Variants in SEC14L1 observed in about 807,000 individuals in gnomAD.
SEC14L1 encodes the protein SEC14 like lipid binding 1.
A neutral mutation model predicts 85.3 loss-of-function variants in SEC14L1; 48 were observed. That is an observed-to-expected ratio of 0.56 (90% CI 0.45 to 0.72). The LOEUF (loss-of-function observed/expected upper bound fraction) is 0.72, where lower values mean the gene tolerates loss of function less well. SEC14L1 is among the 30% of genes least tolerant of loss of function. The probability of loss-of-function intolerance (pLI) is 0.00; values close to 1 mark genes in which losing one functional copy is unlikely to be tolerated. For missense variants in SEC14L1, 682 were observed against 921.4 expected (o/e 0.74, Z 3.36); for synonymous variants, 391 against 355.5 (o/e 1.10, Z -1.12).
chr17:77,186,265 T>G (rs1975261480), intron 3 of SEC14L1, among the ~76,000 whole-genome samples: 1 of 152,116 alleles, frequency 6.6e-6, no homozygotes, highest in Admixed American at 6.5e-5. Context: ...ACCACTTCCC[T>G]CCCCTGGGGG....
chr17:77,179,755 A>G (rs1435641951), intron 3 of SEC14L1, among the ~76,000 whole-genome samples: 1 of 151,726 alleles, frequency 6.6e-6, no homozygotes, highest in Non-Finnish European at 1.5e-5. Flanking sequence ...GCTCACTGCA[A>G]GCTCCACCTC....
At position 77,214,690 on chromosome 17, in the gene SEC14L1, T is replaced by C; in HGVS notation, c.*667T>C. ...TGGTGACTCCAGGAAAATGCTGCCATCGTTAAACATTACTTTCTCTTTCCT... is the reference window on the plus strand; with the variant it reads ...TGGTGACTCCAGGAAAATGCTGCCACCGTTAAACATTACTTTCTCTTTCCT... On this transcript the variant is annotated 3_prime_UTR_variant, in exon 17 of 17. Transcript: ENST00000436233. The C allele has an allele frequency of 1.0e-6, 1 of 985,576 alleles. No individual in the cohort carries two copies. Among genetic ancestry groups the C allele is most frequent in the South Asian group, 4.7e-5 (1 of 21,292 alleles). 61.1% of individuals were successfully genotyped at this position (985,576 alleles called of 1,614,324 possible). A position where few individuals can be genotyped will look rare whatever the true frequency, so the allele number is the denominator to read the frequency against.
At chr17:77,177,870 G>A in intron 3 of SEC14L1, among the ~76,000 whole-genome samples, 1 of 152,098 alleles carries the variant, frequency 6.6e-6, no homozygotes, top group Non-Finnish European at 1.5e-5. Context: ...TATGGACCAG[G>A]AACAATTTTG....
At chr17:77,182,965 G>A (rs1050292918) in intron 3 of SEC14L1, among the ~76,000 whole-genome samples, 1 of 152,242 alleles carries the variant, frequency 6.6e-6, no homozygotes, top group Non-Finnish European at 1.5e-5. Flanking sequence ...GGCCCCAGGA[G>A]AAGGCCCCGT....
At chr17:77,107,347 G>A (rs188725448) in intron 3 of SEC14L1, among the ~76,000 whole-genome samples, 1 of 152,130 alleles carries the variant, frequency 6.6e-6, no homozygotes, top group Admixed American at 6.6e-5. Flanking sequence ...GCTCAGGGAC[G>A]ATCACTTGCC....
Position 77,206,697 on chromosome 17 carries a change from A to C in SEC14L1, c.1342-31A>C. The stretch of plus-strand genomic sequence containing the variant: ...TCTTGGACACTCAGGCAGCAGAGAA[A>C]TATGACTGCATGGTCTTCTCCTCCT... On this transcript the variant is annotated intron_variant, in intron 12 of 16. Transcript: ENST00000436233. The surrounding 1 kb of genome is among the most constrained non-coding windows in gnomAD (Gnocchi z 4.3). The C allele has an allele frequency of 6.4e-7, 1 of 1,570,040 alleles. No individual in the cohort carries two copies. The highest frequency in any genetic ancestry group is 8.6e-7 in the Non-Finnish European group (1 of 1,160,970).
intron 3 of SEC14L1, among the ~76,000 whole-genome samples, chr17:77,118,521 A>G (rs1412426428): frequency 1.3e-5 from 2 of 152,210 alleles, no homozygotes; most frequent in Non-Finnish European, 2.9e-5. Flanking sequence ...CGAGCCTCAT[A>G]CGTTCCAAGG....
intron 3 of SEC14L1, among the ~76,000 whole-genome samples, chr17:77,189,952 A>G (rs1424014995): frequency 6.6e-6 from 1 of 152,124 alleles, no homozygotes; most frequent in African/African-American, 2.4e-5. Context: ...CGCTGAGCAA[A>G]TGTTTTTAAC....
intron 3 of SEC14L1, among the ~76,000 whole-genome samples, chr17:77,183,300 A>G (rs1429600786): frequency 6.6e-6 from 1 of 152,252 alleles, no homozygotes; most frequent in Non-Finnish European, 1.5e-5. Context: ...GAACACCTGT[A>G]TGCATGTCCG....
chr17:77,090,455 G>A (rs140312678), intron 2 of SEC14L1, among the ~76,000 whole-genome samples: 7 of 146,398 alleles, frequency 4.8e-5, no homozygotes, highest in African/African-American at 1.3e-4. Context: ...AGGAGTTCGC[G>A]ACCAGCCTGG....
At chr17:77,178,205 T>C (rs901661969) in intron 3 of SEC14L1, among the ~76,000 whole-genome samples, 21 of 151,970 alleles carry the variant, frequency 1.4e-4, no homozygotes, top group Non-Finnish European at 2.1e-4. Context: ...GAGGAGACCG[T>C]CGTCAGTAAT....
chr17:77,186,516 T>A (rs970510986), intron 3 of SEC14L1, among the ~76,000 whole-genome samples: 3 of 152,228 alleles, frequency 2.0e-5, no homozygotes, highest in African/African-American at 7.2e-5. Context: ...TTGACTCCCT[T>A]CCCTCCCTCC....
chr17:77,121,167 C>T (rs572532690), intron 3 of SEC14L1, among the ~76,000 whole-genome samples: 77 of 152,280 alleles, frequency 5.1e-4, no homozygotes, highest in Admixed American at 1.2e-3. Flanking sequence ...CTTCCTAAAG[C>T]CCTTCTGGCT....
At chr17:77,120,618 A>T (rs1972272831) in intron 3 of SEC14L1, among the ~76,000 whole-genome samples, 1 of 152,126 alleles carries the variant, frequency 6.6e-6, no homozygotes, top group Non-Finnish European at 1.5e-5. Context: ...CTGGGATTAC[A>T]GGTGCGTGCC....
intron 3 of SEC14L1, among the ~76,000 whole-genome samples, chr17:77,122,504 G>C (rs967402391): frequency 2.0e-5 from 3 of 152,084 alleles, no homozygotes; most frequent in African/African-American, 7.2e-5. Flanking sequence ...ATCTCACTCT[G>C]TTGCCCAGGC....
upstream of SEC14L1, among the ~76,000 whole-genome samples, chr17:77,139,498 ATT>A (rs34187673): frequency 0.38 from 49,916 of 132,704 alleles, 9,210 homozygotes; most frequent in African/African-American, 0.45. Flanking sequence ...GGTGGATGTG[ATT>A]TTTTTTTTTT....
Position 77,211,891 on chromosome 17 carries a change from C to T in SEC14L1, c.1612-59C>T, listed in dbSNP as rs148135047. The T allele has an allele frequency of 1.2e-4, 195 of 1,592,010 alleles. 2 individuals are homozygous for T. In the East Asian group the frequency reaches 3.4e-3, roughly 28 times the overall value. On this transcript the variant is annotated intron_variant, in intron 14 of 16. Transcript: ENST00000436233. ...GATCCCCTGGAGAGCACGATGCGCT[C>T]GCAGCATGCCGGCCTGGTGCTCGTG... is the stretch of plus-strand genomic sequence containing the variant.
intron 3 of SEC14L1, among the ~76,000 whole-genome samples, chr17:77,189,252 C>T (rs1243864447): frequency 1.3e-5 from 2 of 152,132 alleles, no homozygotes; most frequent in African/African-American, 2.4e-5. Context: ...ACACAGAGAA[C>T]AGAGAGCAGA....
chr17:77,102,096 A>G (rs940264636), intron 3 of SEC14L1, among the ~76,000 whole-genome samples: 2 of 152,256 alleles, frequency 1.3e-5, no homozygotes, highest in African/African-American at 4.8e-5. Context: ...GCCTCGCCAC[A>G]AAAGTAAAAG....
Sources: gnomAD v4.1 joint callset for allele counts (sites outside exome capture counted in the v4.1 genomes callset) on GRCh38, gnomAD v4.1.1 for gene constraint, Gnocchi (gnomAD v3.1) non-coding constraint, MANE v1.5 for transcripts, NCBI Gene and HGNC (gene_info 2026-07-23, HGNC 2026-07-21) for gene names.